The following CAV1 variants were observed in gnomAD, a reference collection of about 807,000 sequenced individuals.
The protein encoded by CAV1 is caveolin 1.
A neutral mutation model predicts 16.5 loss-of-function variants in CAV1; 10 were observed. That is an observed-to-expected ratio of 0.61 (90% CI 0.37 to 1.03). The LOEUF is 1.03. Ranked by LOEUF, CAV1 falls within the 50% of genes least tolerant of loss-of-function variation. The probability of loss-of-function intolerance (pLI) is 0.01; values close to 1 mark genes in which losing one functional copy is unlikely to be tolerated. For missense variants in CAV1, 212 were observed against 232.8 expected (o/e 0.91, Z 0.58); for synonymous variants, 76 against 85.1 (o/e 0.89, Z 0.59).
At chr7:116,546,803 C>T (rs950692441) in intron 2 of CAV1, among the ~76,000 whole-genome samples, 2 of 151,738 alleles carry the variant, frequency 1.3e-5, no homozygotes, top group African/African-American at 4.8e-5. Context: ...AATGTGTGTG[C>T]ATTTTCTAGG....
intron 2 of CAV1, among the ~76,000 whole-genome samples, chr7:116,535,578 T>G (rs1793792398): frequency 6.6e-6 from 1 of 152,166 alleles, no homozygotes; most frequent in African/African-American, 2.4e-5. Flanking sequence ...AAACCATTGT[T>G]TAGGGTGGGG....
intron 2 of CAV1, among the ~76,000 whole-genome samples, chr7:116,549,714 G>A (rs943733740): frequency 6.6e-6 from 1 of 152,116 alleles, no homozygotes; most frequent in Non-Finnish European, 1.5e-5. Flanking sequence ...TTGGTGAAAT[G>A]TTATGTATGG....
intron 2 of CAV1, among the ~76,000 whole-genome samples, chr7:116,548,781 T>C (rs1461572438): frequency 1.3e-5 from 2 of 152,150 alleles, no homozygotes; most frequent in African/African-American, 4.8e-5. Context: ...TCTCCTAATC[T>C]GTAAAATGGG....
At chr7:116,528,163 T>C (rs1404699402) in intron 2 of CAV1, among the ~76,000 whole-genome samples, 3 of 145,652 alleles carry the variant, frequency 2.1e-5, no homozygotes, top group Admixed American at 1.4e-4. Flanking sequence ...CTGGCTTCAC[T>C]GGATCCTCCC....
intron 2 of CAV1, among the ~76,000 whole-genome samples, chr7:116,528,622 CT>C (rs1793620676): frequency 6.6e-6 from 1 of 152,090 alleles, no homozygotes; most frequent in Admixed American, 6.6e-5. Context: ...AATGCAAATT[CT>C]GCCCAAAGAG....
chr7:116,526,680 C>T lies in CAV1; in HGVS notation c.186C>T (p.Asp62=), dbSNP rs1793570481. The T allele has an allele frequency of 1.9e-6, 3 of 1,613,998 alleles. No individual in the cohort carries two copies. The highest frequency in any genetic ancestry group is 2.7e-5 in the African/African-American group (2 of 74,930). ...VNRDPKHLND[D]VVKIDFEDVI... is the part of the protein sequence containing the mutation. ...GCGACCCTAAACACCTCAACGATGA[C>T]GTGGTCAAGGTAAGCCAAGGCGACC... The change falls in exon 2 of 3, where the codon GAC becomes GAT. Residue 62 remains aspartate, a synonymous_variant. Coordinates refer to ENST00000341049, the MANE Select transcript of CAV1 (RefSeq NM_001753.5).
intron 2 of CAV1, among the ~76,000 whole-genome samples, chr7:116,534,362 G>GATAGATATATATATATATAT (rs1793749535): frequency 2.3e-5 from 1 of 42,712 alleles, no homozygotes; most frequent in Non-Finnish European, 4.5e-5. Flanking sequence ...GCCCACCTCA[G>GATAGATATATATATATATAT]ATATATATAT....
rs534892759 is a variant in CAV1, at chr7:116,549,707, G to A, written c.196-9239G>A. ...TTAATAAGAGATAATATTATGGTTG[G>A]TGAAATGTTATGTATGGCTACATCC... On this transcript the variant is annotated intron_variant, in intron 2 of 2. Coordinates refer to ENST00000341049, the MANE Select transcript of CAV1 (RefSeq NM_001753.5). 1.2e-4 allele frequency among the ~76,000 whole-genome samples: 18 copies of A among 152,222 alleles called. No homozygotes were observed. In the South Asian group the frequency reaches 3.7e-3, roughly 32 times the overall value.
Position 116,526,556 on chromosome 7 carries a change from A to T in CAV1, c.62A>T (p.Gln21Leu). The T allele has an allele frequency of 6.2e-7, 1 of 1,614,156 alleles. No homozygotes were observed. The highest frequency in any genetic ancestry group is 8.5e-7 in the Non-Finnish European group (1 of 1,180,016). ...CTCTACACCGTTCCCATCCGGGAAC[A>T]GGGCAACATCTACAAGCCCAACAAC... ...GHLYTVPIREQGNIYKPNNKA... is the reference protein window; with the variant it reads ...GHLYTVPIRELGNIYKPNNKA... The change falls in exon 2 of 3, where the codon CAG becomes CTG. Residue 21 changes from glutamine to leucine, a missense_variant. Physicochemically the swap from Gln to Leu is moderately radical, Grantham distance 113. Coordinates refer to ENST00000341049, the MANE Select transcript of CAV1 (RefSeq NM_001753.5).
rs545643537 is a variant in CAV1, at chr7:116,531,471, C to T, written c.195+4782C>T. On this transcript the variant is annotated intron_variant, in intron 2 of 2. Coordinates refer to ENST00000341049, the MANE Select transcript of CAV1 (RefSeq NM_001753.5). The stretch of plus-strand genomic sequence containing the variant: ...TTATAGTACAAAGGTTTAATGCCTC[C>T]GTGATCCCTTTCAACTTGAAAGCAT... Among the ~76,000 whole-genome samples, 7 of 152,262 alleles carry T rather than the reference C, an allele frequency of 4.6e-5. No homozygotes were observed. In the South Asian group the frequency reaches 8.3e-4, roughly 18 times the overall value.
At chr7:116,539,930 G>C (rs6466585) in intron 2 of CAV1, among the ~76,000 whole-genome samples, 125,417 of 152,134 alleles carry the variant, frequency 0.82, 51,982 homozygotes, top group East Asian at 0.95. Context: ...GGTGAAAGGA[G>C]TGCCTGTTGA....
In CAV1 at chr7:116,525,915, G is replaced by A. The variant is rs573836165; in HGVS notation, c.31-610G>A. On this transcript the variant is annotated intron_variant, in intron 1 of 2. Transcript: ENST00000341049. The stretch of plus-strand genomic sequence containing the variant: ...CGGATTGAGCAGGGAGAGCCGTGGA[G>A]GGACAAGAGAGGGCCGAGGCAGGGT... The A allele has an allele frequency of 6.9e-5, 61 of 890,218 alleles. No individual in the cohort carries two copies. The East Asian group carries it at 4.6e-3, about 67-fold the overall frequency. The allele number at this position is 890,218 out of a possible 1,614,324, so 55.1% of individuals were successfully genotyped here.
intron 2 of CAV1, among the ~76,000 whole-genome samples, chr7:116,553,724 T>A (rs1348826586): frequency 6.6e-6 from 1 of 152,136 alleles, no homozygotes; most frequent in African/African-American, 2.4e-5. Flanking sequence ...CCAGCCCTTG[T>A]AGAAGGGCAA....
At chr7:116,556,153 G>C (rs1320892623) in intron 2 of CAV1, among the ~76,000 whole-genome samples, 1 of 152,138 alleles carries the variant, frequency 6.6e-6, no homozygotes, top group Non-Finnish European at 1.5e-5. Flanking sequence ...CAACTTAAAA[G>C]AAAGTGTAAG....
At chr7:116,525,296 G>A (rs1584765476) in intron 1 of CAV1, 1 of 1,556,608 alleles carries the variant, frequency 6.4e-7, no homozygotes, top group Middle Eastern at 1.7e-4. Context: ...TCCTAATGGA[G>A]AGGGGGCCTA....
intron 2 of CAV1, among the ~76,000 whole-genome samples, chr7:116,546,703 A>AAAAAAAAAAAAAAATT (rs1486626816): frequency 8.5e-6 from 1 of 118,040 alleles, no homozygotes; most frequent in Non-Finnish European, 1.9e-5. Context: ...GTCACAAAAA[A>AAAAAAAAAAAAAAATT]AAAAAAAAAA....
Position 116,555,540 on chromosome 7 carries a change from G to A in CAV1, c.196-3406G>A, listed in dbSNP as rs6961881. On this transcript the variant is annotated intron_variant, in intron 2 of 2. Coordinates refer to ENST00000341049, the MANE Select transcript of CAV1 (RefSeq NM_001753.5). Reference sequence around the variant, plus strand: ...AGAAAGAGAGAGAGAGAGAGAGAGAGAGAGAAAGAAAGAAAGAAAGAAAGA... The same window carrying A: ...AGAAAGAGAGAGAGAGAGAGAGAGAAAGAGAAAGAAAGAAAGAAAGAAAGA... Among the ~76,000 whole-genome samples, 43 of 13,204 alleles carry A rather than the reference G, an allele frequency of 3.3e-3. 1 individual carries two copies. Among genetic ancestry groups the A allele is most frequent in the African/African-American group, 6.8e-3 (29 of 4,266 alleles). 8.7% of individuals were successfully genotyped at this position (13,204 alleles called of 152,430 possible). A position where few individuals can be genotyped will look rare whatever the true frequency, so the allele number is the denominator to read the frequency against.
chr7:116,526,443 G>T, intron 1 of CAV1, 82 bp from the exon 2 acceptor site: 1 of 1,603,538 alleles, frequency 6.2e-7, no homozygotes, highest in South Asian at 1.1e-5. Flanking sequence ...ACTTCTCATC[G>T]CTTGTTTTTC....
intron 2 of CAV1, among the ~76,000 whole-genome samples, chr7:116,545,746 T>C (rs898931388): frequency 1.3e-5 from 2 of 152,132 alleles, no homozygotes; most frequent in Non-Finnish European, 2.9e-5. Context: ...AGACTGAAAA[T>C]GATGAAGACA....
Sources: allele counts gnomAD v4.1 joint callset (sites outside exome capture counted in the v4.1 genomes callset), GRCh38; gene constraint gnomAD v4.1.1; transcripts MANE v1.5; gene names NCBI Gene and HGNC (gene_info 2026-07-23, HGNC 2026-07-21).